Variants in STK32B observed in about 807,000 individuals in gnomAD.
STK32B encodes the protein serine/threonine-protein kinase 32B.
Under a neutral mutation model 52.6 loss-of-function variants are expected in STK32B, and 43 were observed. The observed-to-expected ratio is 0.82, with a 90% CI of 0.64 to 1.05. The LOEUF (loss-of-function observed/expected upper bound fraction) is 1.05. STK32B is among the 50% of genes least tolerant of loss of function. The pLI is 0.00. For missense variants in STK32B, 621 were observed against 534.6 expected (o/e 1.16, Z -1.59); for synonymous variants, 238 against 204.3 (o/e 1.17, Z -1.41).
chr4:5,494,191 C>A (rs1462824549), intron 11 of STK32B, among the ~76,000 whole-genome samples: 1 of 152,030 alleles, frequency 6.6e-6, no homozygotes, highest in Admixed American at 6.6e-5. Flanking sequence ...TTAAAGTCTC[C>A]CATTATTATT....
At chr4:5,493,990 T>C (rs1170763799) in intron 11 of STK32B, among the ~76,000 whole-genome samples, 1 of 152,286 alleles carries the variant, frequency 6.6e-6, no homozygotes, top group African/African-American at 2.4e-5. Flanking sequence ...AGGAGAGCTT[T>C]ACTTCCAAGT....
chr4:5,159,468 A>C (rs1420067291), intron 2 of STK32B, among the ~76,000 whole-genome samples: 1 of 144,562 alleles, frequency 6.9e-6, no homozygotes, highest in Non-Finnish European at 1.5e-5. Flanking sequence ...ATATATACAC[A>C]CACACATATA....
intron 8 of STK32B, among the ~76,000 whole-genome samples, chr4:5,458,383 C>T (rs936116681): frequency 3.3e-5 from 5 of 152,148 alleles, no homozygotes; most frequent in Admixed American, 6.5e-5. Context: ...CTGGGCCATA[C>T]GATGGCTCTT....
chr4:5,082,261 A>G (rs1175318740), intron 1 of STK32B, among the ~76,000 whole-genome samples: 3 of 152,134 alleles, frequency 2.0e-5, no homozygotes, highest in South Asian at 2.1e-4. Context: ...TCCCAATCCT[A>G]CAGAGTCAGG....
rs942424439 is a variant in STK32B at position 5,145,808 on chromosome 4, G to T, written c.108+5848G>T. ...TGGTTTACCTGTTAATTTTATTAGTGGTGTGTTTTGATACATGAAAGTTTT... is the reference window on the plus strand; with the variant it reads ...TGGTTTACCTGTTAATTTTATTAGTTGTGTGTTTTGATACATGAAAGTTTT... On this transcript the variant is annotated intron_variant, in intron 2 of 11. Coordinates refer to ENST00000282908, the MANE Select transcript of STK32B (RefSeq NM_018401.3). Among the ~76,000 whole-genome samples, 14 of 152,138 alleles carry T rather than the reference G, an allele frequency of 9.2e-5. No individual in the cohort carries two copies. The East Asian group carries it at 2.1e-3, about 23-fold the overall frequency.
chr4:5,348,623 A>G (rs10034982), intron 4 of STK32B, among the ~76,000 whole-genome samples: 1 of 151,950 alleles, frequency 6.6e-6, no homozygotes. Context: ...AAGTTGCCTG[A>G]TTACAGCTGC....
At chr4:5,353,950 C>T (rs1462421023) in intron 4 of STK32B, among the ~76,000 whole-genome samples, 6 of 152,184 alleles carry the variant, frequency 3.9e-5, no homozygotes, top group African/African-American at 1.2e-4. Flanking sequence ...TATTGCCACA[C>T]TATTCACAAT....
chr4:5,238,952 G>A (rs1026951388), intron 3 of STK32B, among the ~76,000 whole-genome samples: 7 of 152,244 alleles, frequency 4.6e-5, no homozygotes, highest in African/African-American at 1.7e-4. Context: ...GAAAGTAGAA[G>A]AGGCATTCCT....
chr4:5,494,370 C>CTGTT (rs943779717), intron 11 of STK32B, among the ~76,000 whole-genome samples: 1 of 151,380 alleles, frequency 6.6e-6, no homozygotes, highest in Non-Finnish European at 1.5e-5. Flanking sequence ...GGTTTAAAGT[C>CTGTT]TGTTTTATCA....
chr4:5,286,354 G>C (rs1281953753), intron 3 of STK32B, among the ~76,000 whole-genome samples: 1 of 152,128 alleles, frequency 6.6e-6, no homozygotes, highest in African/African-American at 2.4e-5. Context: ...AAGATCTATG[G>C]AGAAGTGCAC....
chr4:5,494,020 AGGTGT>A (rs1208504383), intron 11 of STK32B, among the ~76,000 whole-genome samples: 3 of 152,218 alleles, frequency 2.0e-5, no homozygotes, highest in East Asian at 3.8e-4. Flanking sequence ...ATTTTGGAAT[AGGTGT>A]GGTGTGGTGC....
chr4:5,337,037 G>A (rs1278873864), intron 4 of STK32B, among the ~76,000 whole-genome samples: 1 of 152,094 alleles, frequency 6.6e-6, no homozygotes, highest in Non-Finnish European at 1.5e-5. Context: ...AGAGTGCACT[G>A]GTACGATCAT....
rs1306440551 is a variant in STK32B at position 5,380,915 on chromosome 4, A to C, written c.435-17292A>C. On this transcript the variant is annotated intron_variant, in intron 4 of 11. Coordinates refer to ENST00000282908, the MANE Select transcript of STK32B (RefSeq NM_018401.3). The surrounding 1 kb of genome is among the most constrained non-coding windows in gnomAD (Gnocchi z 4.3). ...CAGCTCATCATAGTTGTCAGTGCCA[A>C]CGTCATCATTATCCTCTCCAGCAGC... Among the ~76,000 whole-genome samples the C allele has an allele frequency of 1.3e-5, 2 of 152,152 alleles. No individual in the cohort carries two copies. The highest frequency in any genetic ancestry group is 4.8e-5 in the African/African-American group (2 of 41,434).
intron 3 of STK32B, among the ~76,000 whole-genome samples, chr4:5,242,924 TCCATTGATCTATATCTCTGTTTTGGTA>T (rs1215091911): frequency 6.6e-6 from 1 of 152,230 alleles, no homozygotes; most frequent in Non-Finnish European, 1.5e-5. Context: ...TCTGTTGTGT[TCCATTGATCTATATCTCTGTTTTGGTA>T]CCAGTTGCAT....
intron 3 of STK32B, among the ~76,000 whole-genome samples, chr4:5,270,121 G>A (rs1727325790): frequency 6.6e-6 from 1 of 152,136 alleles, no homozygotes; most frequent in South Asian, 2.1e-4. Flanking sequence ...CCAGTTTAGG[G>A]CATTGTATTA....
chr4:5,134,735 A>G (rs1389123709), intron 1 of STK32B, among the ~76,000 whole-genome samples: 2 of 152,222 alleles, frequency 1.3e-5, no homozygotes, highest in East Asian at 1.9e-4. Context: ...CTCTGCAAGG[A>G]ATGAGCCGCA....
intron 1 of STK32B, among the ~76,000 whole-genome samples, chr4:5,080,793 G>A (rs1202216008): frequency 6.6e-6 from 1 of 151,238 alleles, no homozygotes; most frequent in East Asian, 1.9e-4. Flanking sequence ...TTGTGTATAT[G>A]GTGGGAAAAC....
intron 3 of STK32B, among the ~76,000 whole-genome samples, chr4:5,233,862 C>T (rs900078078): frequency 2.6e-5 from 4 of 151,740 alleles, no homozygotes; most frequent in African/African-American, 7.3e-5. Context: ...CAAGCAGTGA[C>T]GTCTCCAAGA....
At position 5,316,002 on chromosome 4, in the gene STK32B, G is replaced by A. The variant is rs1730656655; in HGVS notation, c.261-15218G>A. Reference sequence around the variant, plus strand: ...GTATAGGTGTGAGCCACCGGGACTGGCCGAGTATTTTATTTTTTAAAGAGA... The same window carrying A: ...GTATAGGTGTGAGCCACCGGGACTGACCGAGTATTTTATTTTTTAAAGAGA... On this transcript the variant is annotated intron_variant, in intron 3 of 11. Coordinates refer to ENST00000282908, the MANE Select transcript of STK32B (RefSeq NM_018401.3). Among the ~76,000 whole-genome samples the A allele has an allele frequency of 2.7e-5, 4 of 149,496 alleles. No individual in the cohort carries two copies. In the Middle Eastern group the frequency reaches 0.014, roughly 516 times the overall value.
Sources: allele counts gnomAD v4.1 joint callset (sites outside exome capture counted in the v4.1 genomes callset), GRCh38; gene constraint gnomAD v4.1.1; non-coding constraint Gnocchi (gnomAD v3.1); transcripts MANE v1.5; gene names NCBI Gene and HGNC (gene_info 2026-07-23, HGNC 2026-07-21).